Variants in MTCL1 observed in about 807,000 individuals in gnomAD.
The protein encoded by MTCL1 is microtubule crosslinking factor 1.
A neutral mutation model predicts 141.4 loss-of-function variants in MTCL1; 79 were observed. The observed-to-expected ratio is 0.56, with a 90% confidence interval of 0.47 to 0.67. The LOEUF is 0.67. Ranked by LOEUF, MTCL1 falls within the 30% of genes least tolerant of loss-of-function variation. The pLI, the probability that MTCL1 is intolerant of heterozygous loss-of-function variation, is 0.00. For synonymous variants in MTCL1, 914 were observed against 875.8 expected (o/e 1.04, Z -0.77); for missense variants, 2,177 against 2,113.9 (o/e 1.03, Z -0.59).
rs752984994 is a variant in MTCL1 at position 8,792,987 on chromosome 18, C to T, written c.1888-11C>T. On this transcript the variant is annotated splice_polypyrimidine_tract_variant and intron_variant, in intron 7 of 16. Transcript: ENST00000359865. ...TTTCCACTAAACCCCTTCCTTTATC[C>T]CACCGATCAGCTCAGGGGCCCCCCC... is the stretch of plus-strand genomic sequence containing the variant. The T allele has an allele frequency of 1.2e-6, 2 of 1,613,392 alleles. No homozygotes were observed. The highest frequency in any genetic ancestry group is 1.7e-6 in the Non-Finnish European group (2 of 1,179,742).
At chr18:8,747,096 G>C (rs1331546436) in intron 4 of MTCL1, among the ~76,000 whole-genome samples, 1 of 152,206 alleles carries the variant, frequency 6.6e-6, no homozygotes, top group Non-Finnish European at 1.5e-5. Flanking sequence ...GAGATGGTCA[G>C]CTTTTTGGAG....
chr18:8,726,861 A>G (rs752092046), intron 4 of MTCL1, among the ~76,000 whole-genome samples: 1 of 152,146 alleles, frequency 6.6e-6, no homozygotes, highest in Non-Finnish European at 1.5e-5. Context: ...ATCTTGCATA[A>G]TAGTGAGGTT....
rs533838012 is a variant in MTCL1, at chr18:8,806,729, C to A, written c.2437-164C>A. 1.9e-3 allele frequency among the ~76,000 whole-genome samples: 291 copies of A among 152,266 alleles called. 1 individual carries two copies. The highest frequency in any genetic ancestry group is 3.4e-3 in the Non-Finnish European group (234 of 68,006). On this transcript the variant is annotated intron_variant, in intron 10 of 16. Transcript: ENST00000359865. ...CGATGGCCAGCAACAGGGACCCTTT[C>A]TTTGCTCCCCGGCTAACTGCAGACT...
intron 8 of MTCL1, among the ~76,000 whole-genome samples, chr18:8,793,337 A>G (rs774084874): frequency 4.0e-5 from 6 of 151,882 alleles, no homozygotes; most frequent in Non-Finnish European, 8.8e-5. Context: ...TTCAGCATCT[A>G]CACTGTGGTC....
exon 9 of MTCL1, chr18:8,796,232 A>G (rs2075914471): frequency 1.9e-6 from 3 of 1,613,986 alleles, no homozygotes; most frequent in African/African-American, 2.7e-5. Context: ...TCCATTCAAG[A>G]TGGAGGAGGA....
chr18:8,789,356 A>G (rs1241164172), intron 7 of MTCL1: 20 of 964,332 alleles, frequency 2.1e-5, no homozygotes, highest in Non-Finnish European at 2.5e-5. Flanking sequence ...AAATGAAGCC[A>G]TGGTCATGGT....
At chr18:8,755,438 G>C (rs755204981) in intron 4 of MTCL1, among the ~76,000 whole-genome samples, 1 of 152,222 alleles carries the variant, frequency 6.6e-6, no homozygotes, top group Non-Finnish European at 1.5e-5. Flanking sequence ...CTTGCAGCGT[G>C]TGTGAGTGTT....
intron 7 of MTCL1, among the ~76,000 whole-genome samples, chr18:8,787,507 T>C (rs2075559839): frequency 1.3e-5 from 2 of 152,258 alleles, no homozygotes; most frequent in Non-Finnish European, 1.5e-5. Context: ...GGCTCTGCAC[T>C]GACCCCTGGG....
chr18:8,705,609 C>CCGCCGCCGCCGCCGTCGT (rs1387679120), upstream of MTCL1: 62 of 1,191,274 alleles, frequency 5.2e-5, no homozygotes, highest in African/African-American at 1.1e-4. This position sits in a 1 kb window ranked among gnomAD's most constrained non-coding sequence, Gnocchi z 5.2. Flanking sequence ...GCCGCCGCCG[C>CCGCCGCCGCCGCCGTCGT]CGTCGTCGTC....
chr18:8,739,572 A>G (rs2096291214), intron 4 of MTCL1, among the ~76,000 whole-genome samples: 1 of 152,222 alleles, frequency 6.6e-6, no homozygotes, highest in Admixed American at 6.5e-5. Flanking sequence ...AGGTCAGAGT[A>G]ATTGAGAAAC....
In MTCL1 at chr18:8,822,748, C is replaced by T. The variant is rs905649433; in HGVS notation, c.3188+1250C>T. ...CACATAATGAAAGCAGCACATGGCA[C>T]AAAACAAACAGTAAACAGAGTTTAG... On this transcript the variant is annotated intron_variant, in intron 14 of 16. Coordinates refer to ENST00000359865, the Ensembl canonical transcript of MTCL1. The surrounding 1 kb of genome is among the most constrained non-coding windows in gnomAD (Gnocchi z 4.6). Among the ~76,000 whole-genome samples the T allele has an allele frequency of 2.0e-5, 3 of 151,986 alleles. No individual in the cohort carries two copies. Among genetic ancestry groups the T allele is most frequent in the African/African-American group, 4.8e-5 (2 of 41,348 alleles).
upstream of MTCL1, chr18:8,705,608 G>A: frequency 8.3e-7 from 1 of 1,207,932 alleles, no homozygotes; most frequent in South Asian, 4.0e-5. This position sits in a 1 kb window ranked among gnomAD's most constrained non-coding sequence, Gnocchi z 5.2. Context: ...CGCCGCCGCC[G>A]CCGTCGTCGT....
chr18:8,756,629 A>G (rs1372768522), intron 4 of MTCL1, among the ~76,000 whole-genome samples: 1 of 152,080 alleles, frequency 6.6e-6, no homozygotes, highest in Middle Eastern at 3.2e-3. Flanking sequence ...AGAGAGGCAA[A>G]CTTGTTGGAG....
chr18:8,807,890 C>T (rs2076353176), intron 11 of MTCL1, among the ~76,000 whole-genome samples: 1 of 151,082 alleles, frequency 6.6e-6, no homozygotes, highest in African/African-American at 2.4e-5. Context: ...TGAGGCAAAC[C>T]ATAAAGTAAG....
intron 1 of MTCL1, among the ~76,000 whole-genome samples, chr18:8,708,284 C>T (rs912148283): frequency 6.6e-6 from 1 of 152,214 alleles, no homozygotes; most frequent in Non-Finnish European, 1.5e-5. Context: ...AGAAGTTTCT[C>T]ATTGCATCTT....
exon 1 of MTCL1, chr18:8,706,475 C>T: frequency 7.9e-7 from 1 of 1,265,912 alleles, no homozygotes. Flanking sequence ...CTCCTCGCCG[C>T]GCCCCTCGCC....
chr18:8,826,376 T>C, intron 15 of MTCL1, 144 bp downstream of exon 14: 1 of 800,050 alleles, frequency 1.2e-6, no homozygotes, highest in East Asian at 2.8e-5. Flanking sequence ...AGGTGTTAGG[T>C]TTATGGGAGA....
At chr18:8,825,265 G>A (rs1415367891) in exon 15 of MTCL1, 4 of 1,576,816 alleles carry the variant, frequency 2.5e-6, no homozygotes, top group African/African-American at 2.7e-5. Flanking sequence ...TATGTGGAGG[G>A]GGCACGGCGC....
At chr18:8,728,166 A>G (rs924533921) in intron 4 of MTCL1, among the ~76,000 whole-genome samples, 4 of 152,164 alleles carry the variant, frequency 2.6e-5, no homozygotes, top group East Asian at 1.9e-4. Context: ...TTAAAAACTT[A>G]TTTAATAGCT....
Sources: gnomAD v4.1 joint callset for allele counts (sites outside exome capture counted in the v4.1 genomes callset) on GRCh38, gnomAD v4.1.1 for gene constraint, Gnocchi (gnomAD v3.1) non-coding constraint, MANE v1.5 for transcripts, NCBI Gene and HGNC (gene_info 2026-07-23, HGNC 2026-07-21) for gene names.